The following STX8 variants were observed in gnomAD, a reference collection of about 807,000 sequenced individuals.
The protein encoded by STX8 is syntaxin 8.
A neutral mutation model predicts 37.5 loss-of-function variants in STX8; 23 were observed. The observed-to-expected ratio is 0.61, with a 90% CI of 0.44 to 0.87. The LOEUF (loss-of-function observed/expected upper bound fraction) is 0.87, where lower values mean the gene tolerates loss of function less well. STX8 is among the 40% of genes least tolerant of loss of function. STX8 has a pLI of 0.00. For synonymous variants in STX8, 115 were observed against 99.1 expected, an observed-to-expected ratio of 1.16 and a Z score of -0.95; for missense variants, 313 against 284.7, an observed-to-expected ratio of 1.10 and a Z score of -0.71.
intron 7 of STX8, among the ~76,000 whole-genome samples, chr17:9,371,821 G>A (rs898129101): frequency 3.3e-5 from 5 of 151,924 alleles, no homozygotes; most frequent in African/African-American, 1.2e-4. Flanking sequence ...TTTCAAGCTT[G>A]TCATTTTTAA....
At chr17:9,514,819 C>A (rs912051553) in intron 4 of STX8, among the ~76,000 whole-genome samples, 1 of 152,014 alleles carries the variant, frequency 6.6e-6, no homozygotes. Context: ...ATTATTTAAC[C>A]TTTTATATAG....
intron 6 of STX8, among the ~76,000 whole-genome samples, chr17:9,468,699 T>C (rs1905718897): frequency 7.1e-6 from 1 of 141,476 alleles, no homozygotes; most frequent in South Asian, 2.4e-4. Flanking sequence ...CTCAAGGGCA[T>C]AGAGCTGCCC....
chr17:9,557,559 C>G, intron 2 of STX8, 31 bp from the exon 3 acceptor site: 1 of 1,595,534 alleles, frequency 6.3e-7, no homozygotes, highest in Non-Finnish European at 8.6e-7. Flanking sequence ...CCTAAGTATT[C>G]TAGTCCAGAA....
Position 9,505,168 on chromosome 17 carries a change from G to C in STX8, c.324-6C>G. ...CTTCACTCATCAGGCTGGACCTAAA[G>C]AACAATATTAAATGCATGATATATC... On this transcript the variant is annotated splice_polypyrimidine_tract_variant and splice_region_variant and intron_variant, in intron 4 of 7. Transcript: ENST00000306357. 1.2e-6 allele frequency: 2 copies of C among 1,607,166 alleles called. No homozygotes were observed. Among genetic ancestry groups the C allele is most frequent in the Non-Finnish European group, 1.7e-6 (2 of 1,177,702 alleles).
At chr17:9,452,959 C>T (rs1316345923) in intron 6 of STX8, among the ~76,000 whole-genome samples, 1 of 152,076 alleles carries the variant, frequency 6.6e-6, no homozygotes, top group Non-Finnish European at 1.5e-5. Context: ...GTGCCCACCA[C>T]CACGCCCAGC....
intron 6 of STX8, among the ~76,000 whole-genome samples, chr17:9,481,203 G>C (rs1403651047): frequency 6.6e-6 from 1 of 152,066 alleles, no homozygotes; most frequent in Non-Finnish European, 1.5e-5. Flanking sequence ...ATTTCTAAAA[G>C]ACTGCTTGAC....
intron 7 of STX8, among the ~76,000 whole-genome samples, chr17:9,297,135 C>A (rs891484766): frequency 1.3e-5 from 2 of 151,438 alleles, no homozygotes; most frequent in Non-Finnish European, 2.9e-5. Flanking sequence ...AAAACGTCAG[C>A]TCTCATTTAT....
At chr17:9,437,794 C>T (rs753795716) in intron 6 of STX8, 4 of 152,204 alleles carry the variant, frequency 2.6e-5, no homozygotes, top group Non-Finnish European at 4.4e-5. Context: ...CTGGAGATCT[C>T]ACCAGGCCGG....
intron 6 of STX8, among the ~76,000 whole-genome samples, chr17:9,471,509 C>T (rs1044711077): frequency 5.9e-5 from 9 of 152,044 alleles, no homozygotes; most frequent in Non-Finnish European, 8.8e-5. Flanking sequence ...TGGCTGGCAT[C>T]CTGGAGCTTG....
chr17:9,468,463 TG>T (rs1161242225), intron 6 of STX8, among the ~76,000 whole-genome samples: 2 of 152,206 alleles, frequency 1.3e-5, no homozygotes, highest in Non-Finnish European at 2.9e-5. Context: ...ATGTTAGGAA[TG>T]GGGTGATAAC....
intron 7 of STX8, among the ~76,000 whole-genome samples, chr17:9,349,271 C>T (rs1054849781): frequency 1.3e-5 from 2 of 150,502 alleles, no homozygotes; most frequent in Non-Finnish European, 3.0e-5. Flanking sequence ...AGATTACAGA[C>T]ATAAGGTAAG....
intron 7 of STX8, among the ~76,000 whole-genome samples, chr17:9,297,547 C>T (rs182961146): frequency 1.3e-5 from 2 of 152,152 alleles, no homozygotes; most frequent in African/African-American, 4.8e-5. Context: ...GTCATCATTC[C>T]AGGGCTAGGC....
chr17:9,347,714 A>G (rs773497912), intron 7 of STX8, among the ~76,000 whole-genome samples: 1 of 152,160 alleles, frequency 6.6e-6, no homozygotes, highest in Non-Finnish European at 1.5e-5. Flanking sequence ...ACTGGGTTTC[A>G]CTATGTTGGC....
In STX8 at chr17:9,250,502, G is replaced by T; in HGVS notation, c.*76C>A. On this transcript the variant is annotated 3_prime_UTR_variant, in exon 8 of 8. Coordinates refer to ENST00000306357, the MANE Select transcript of STX8 (RefSeq NM_004853.3). ...CTTTGGGGGAATTTATTGAGAGCAGGTTTTGCGTACCAAAAGGGTGTTGGG... is the reference window on the plus strand; with the variant it reads ...CTTTGGGGGAATTTATTGAGAGCAGTTTTTGCGTACCAAAAGGGTGTTGGG... 7.5e-7 allele frequency: 1 copy of T among 1,341,422 alleles called. No homozygotes were observed. The highest frequency in any genetic ancestry group is 1.3e-5 in the South Asian group (1 of 79,952). 83.1% of individuals were successfully genotyped at this position (1,341,422 alleles called of 1,614,324 possible).
At chr17:9,301,535 T>G (rs1179907752) in intron 7 of STX8, among the ~76,000 whole-genome samples, 1 of 151,914 alleles carries the variant, frequency 6.6e-6, no homozygotes, top group Non-Finnish European at 1.5e-5. Context: ...CAGGCTGGAG[T>G]GCAGTGGCGC....
intron 6 of STX8, among the ~76,000 whole-genome samples, chr17:9,393,540 T>A (rs190789870): frequency 6.6e-6 from 1 of 152,144 alleles, no homozygotes; most frequent in Non-Finnish European, 1.5e-5. Context: ...TTATATACCA[T>A]AGAGCAGGGT....
chr17:9,414,382 A>G (rs1913104162), intron 6 of STX8, among the ~76,000 whole-genome samples: 1 of 151,950 alleles, frequency 6.6e-6, no homozygotes, highest in African/African-American at 2.4e-5. Flanking sequence ...AACAAAAATG[A>G]TTTACTAGGA....
intron 7 of STX8, among the ~76,000 whole-genome samples, chr17:9,371,900 C>A (rs958708332): frequency 2.0e-5 from 3 of 152,124 alleles, no homozygotes; most frequent in Non-Finnish European, 4.4e-5. Context: ...CAATTCTGTT[C>A]AGATTCATGT....
At chr17:9,521,168 G>A (rs1389454925) in intron 4 of STX8, among the ~76,000 whole-genome samples, 6 of 152,166 alleles carry the variant, frequency 3.9e-5, no homozygotes, top group Non-Finnish European at 5.9e-5. Flanking sequence ...GCAACAATAC[G>A]CAGACTGGAT....
Sources: gnomAD v4.1 joint callset for allele counts (sites outside exome capture counted in the v4.1 genomes callset) on GRCh38, gnomAD v4.1.1 for gene constraint, MANE v1.5 for transcripts, NCBI Gene and HGNC (gene_info 2026-07-23, HGNC 2026-07-21) for gene names.